Variants in SDHAF3 observed in about 807,000 individuals in gnomAD.
SDHAF3 encodes the protein succinate dehydrogenase complex assembly factor 3.
SDHAF3 carries 18 observed loss-of-function variants against 11.5 expected under a neutral mutation model. The observed-to-expected ratio is 1.56, with a 90% confidence interval of 1.08 to 2.32. The LOEUF is 2.32. Among genes scored for constraint, SDHAF3 ranks in the 30% most tolerant of loss-of-function variants. The pLI is 0.00. For missense variants in SDHAF3, 200 were observed against 154.4 expected, an observed-to-expected ratio of 1.30 and a Z score of -1.57; for synonymous variants, 72 against 59.3, an observed-to-expected ratio of 1.21 and a Z score of -0.99.
chr7:97,175,003 T>A (rs1163258975), intron 1 of SDHAF3, among the ~76,000 whole-genome samples: 1 of 152,166 alleles, frequency 6.6e-6, no homozygotes, highest in Non-Finnish European at 1.5e-5. Flanking sequence ...ACTAGGTGTA[T>A]TTTTTTGTTT....
At chr7:97,166,469 G>A (rs1416094709) in intron 1 of SDHAF3, among the ~76,000 whole-genome samples, 1 of 152,140 alleles carries the variant, frequency 6.6e-6, no homozygotes, top group Admixed American at 6.5e-5. Flanking sequence ...GAGTGTCCGG[G>A]TTAAGATAAG....
intron 1 of SDHAF3, among the ~76,000 whole-genome samples, chr7:97,173,584 TC>T: frequency 1.3e-5 from 2 of 149,194 alleles, no homozygotes; most frequent in East Asian, 2.0e-4. Context: ...TCTCACTCTC[TC>T]TCTCTCACCC....
chr7:97,131,404 T>C (rs1156668836), intron 1 of SDHAF3, among the ~76,000 whole-genome samples: 2 of 152,240 alleles, frequency 1.3e-5, no homozygotes, highest in African/African-American at 4.8e-5. Context: ...TTGCCTGATA[T>C]TTCTATTTGA....
At chr7:97,158,381 G>T (rs1562827972) in intron 1 of SDHAF3, among the ~76,000 whole-genome samples, 1 of 152,168 alleles carries the variant, frequency 6.6e-6, no homozygotes, top group Non-Finnish European at 1.5e-5. Flanking sequence ...AGGCTGGAGT[G>T]CAGTGGCACA....
intron 1 of SDHAF3, among the ~76,000 whole-genome samples, chr7:97,172,225 G>A (rs1789611209): frequency 6.6e-6 from 1 of 152,076 alleles, no homozygotes; most frequent in Admixed American, 6.6e-5. Context: ...TTTTACTTGG[G>A]AAGCTTTTCA....
At chr7:97,131,698 G>GT (rs1302311832) in intron 1 of SDHAF3, among the ~76,000 whole-genome samples, 1 of 152,138 alleles carries the variant, frequency 6.6e-6, no homozygotes, top group African/African-American at 2.4e-5. Context: ...GGATTAATAT[G>GT]TGATTGGTCA....
chr7:97,180,887 T>G (rs965552435), intron 1 of SDHAF3, 125 bp from the exon 2 acceptor site: 1 of 751,032 alleles, frequency 1.3e-6, no homozygotes, highest in African/African-American at 1.8e-5. Flanking sequence ...TTATATCTCC[T>G]TAACCAAATG....
intron 1 of SDHAF3, among the ~76,000 whole-genome samples, chr7:97,119,212 A>G (rs987997052): frequency 6.6e-6 from 1 of 152,196 alleles, no homozygotes; most frequent in African/African-American, 2.4e-5. Context: ...AGTATTTTAC[A>G]TCTTTTATGG....
At chr7:97,140,915 C>T (rs141776441) in intron 1 of SDHAF3, among the ~76,000 whole-genome samples, 16,450 of 151,878 alleles carry the variant, frequency 0.11, 753 homozygotes, top group Middle Eastern at 0.16. Context: ...GCCAGTGAGC[C>T]GGGCGGAACA....
At chr7:97,180,157 G>C (rs1163702010) in intron 1 of SDHAF3, among the ~76,000 whole-genome samples, 2 of 152,196 alleles carry the variant, frequency 1.3e-5, no homozygotes, top group Admixed American at 6.5e-5. Flanking sequence ...TCTTGACACA[G>C]ATGGTTGTTA....
intron 1 of SDHAF3, among the ~76,000 whole-genome samples, chr7:97,132,131 A>C (rs1029226774): frequency 6.6e-6 from 1 of 152,140 alleles, no homozygotes; most frequent in Admixed American, 6.5e-5. Context: ...AATGCACTGG[A>C]TGTAGTTAAT....
intron 1 of SDHAF3, among the ~76,000 whole-genome samples, chr7:97,144,705 G>A (rs1186008090): frequency 6.6e-6 from 1 of 152,076 alleles, no homozygotes; most frequent in Non-Finnish European, 1.5e-5. Context: ...ATGCTGTTTT[G>A]GTGACTGTGG....
chr7:97,165,235 C>T (rs545881700), intron 1 of SDHAF3, among the ~76,000 whole-genome samples: 6 of 151,932 alleles, frequency 3.9e-5, no homozygotes, highest in Admixed American at 1.3e-4. Context: ...TGCAGTGAGC[C>T]GAGATCGTGC....
At chr7:97,156,410 C>A (rs1789301734) in intron 1 of SDHAF3, among the ~76,000 whole-genome samples, 1 of 152,074 alleles carries the variant, frequency 6.6e-6, no homozygotes, top group African/African-American at 2.4e-5. Flanking sequence ...GGCTGATGAG[C>A]TTGCACTAAT....
chr7:97,132,258 AGACT>A (rs2115639553), intron 1 of SDHAF3, among the ~76,000 whole-genome samples: 1 of 152,336 alleles, frequency 6.6e-6, no homozygotes, highest in South Asian at 2.1e-4. Context: ...GGTTCAACTC[AGACT>A]TTTTCATGTT....
rs1303004312 is a variant in SDHAF3, at chr7:97,164,788, A to G, written c.175-16224A>G. On this transcript the variant is annotated intron_variant, in intron 1 of 1. Transcript: ENST00000432641. The stretch of plus-strand genomic sequence containing the variant: ...GTGGTGGAGATTTGAAGTGAAACTG[A>G]TCTACCAATGTGGGGATGGAGGGAT... 2.0e-5 allele frequency among the ~76,000 whole-genome samples: 3 copies of G among 152,180 alleles called. No homozygotes were observed. In the East Asian group the frequency reaches 5.8e-4, roughly 29 times the overall value.
intron 1 of SDHAF3, among the ~76,000 whole-genome samples, chr7:97,146,789 T>C (rs1562824899): frequency 7.4e-6 from 1 of 135,640 alleles, no homozygotes; most frequent in African/African-American, 2.9e-5. Flanking sequence ...AATAGGTACC[T>C]TTTTTTTTTT....
intron 1 of SDHAF3, among the ~76,000 whole-genome samples, chr7:97,123,032 G>T (rs1791524542): frequency 6.6e-6 from 1 of 151,846 alleles, no homozygotes; most frequent in South Asian, 2.1e-4. Flanking sequence ...GAACATGCAG[G>T]TTTGTTACAT....
intron 1 of SDHAF3, among the ~76,000 whole-genome samples, chr7:97,159,455 A>G (rs975165681): frequency 6.6e-6 from 1 of 152,182 alleles, no homozygotes; most frequent in Non-Finnish European, 1.5e-5. Context: ...CCCAGGCAGC[A>G]CTGACTAACA....
Sources: allele counts gnomAD v4.1 joint callset (sites outside exome capture counted in the v4.1 genomes callset), GRCh38; gene constraint gnomAD v4.1.1; transcripts MANE v1.5; gene names NCBI Gene and HGNC (gene_info 2026-07-23, HGNC 2026-07-21).